Variants in FIBCD1 observed in about 807,000 individuals in gnomAD.
FIBCD1 encodes fibrinogen C domain-containing protein 1.
A neutral mutation model predicts 45.1 loss-of-function variants in FIBCD1; 47 were observed. The observed-to-expected ratio is 1.04, with a 90% confidence interval of 0.82 to 1.33. FIBCD1 has a LOEUF of 1.33. Ranked by LOEUF, FIBCD1 falls within the 40% of genes most tolerant of loss-of-function variation. The pLI is 0.00. For synonymous variants in FIBCD1, 313 were observed against 308.1 expected, an observed-to-expected ratio of 1.02 and a Z score of -0.17; for missense variants, 653 against 682.2, an observed-to-expected ratio of 0.96 and a Z score of 0.48.
chr9:130,908,480 A>G (rs906199802), intron 5 of FIBCD1, among the ~76,000 whole-genome samples: 2 of 152,188 alleles, frequency 1.3e-5, no homozygotes, highest in Non-Finnish European at 2.9e-5. Context: ...AGCCTGAGGC[A>G]GGGTCTCCCC....
At chr9:130,904,440 T>C in intron 6 of FIBCD1, 117 bp from the exon 7 acceptor site, 1 of 1,416,946 alleles carries the variant, frequency 7.1e-7, no homozygotes, top group Non-Finnish European at 9.5e-7. Context: ...TGCATACACG[T>C]ACGCACGTGC....
chr9:130,925,571 G>T (rs574641893), intron 2 of FIBCD1, among the ~76,000 whole-genome samples: 1 of 152,174 alleles, frequency 6.6e-6, no homozygotes, highest in East Asian at 1.9e-4. Flanking sequence ...GGGGATTCAG[G>T]AGAGCCTGGG....
chr9:130,904,454 C>CAT, intron 6 of FIBCD1, 131 bp from the exon 7 acceptor site: 1 of 1,339,426 alleles, frequency 7.5e-7, no homozygotes, highest in Non-Finnish European at 1.0e-6. Flanking sequence ...CACGTGCTCT[C>CAT]ACACATACTG....
intron 1 of FIBCD1, among the ~76,000 whole-genome samples, chr9:130,933,337 G>A (rs1429100841): frequency 1.3e-5 from 2 of 152,160 alleles, no homozygotes; most frequent in African/African-American, 4.8e-5. Flanking sequence ...CATCCGTCCT[G>A]GTGTGGCTGA....
chr9:130,927,463 C>G (rs1433468049), intron 2 of FIBCD1, among the ~76,000 whole-genome samples: 1 of 152,206 alleles, frequency 6.6e-6, no homozygotes, highest in Non-Finnish European at 1.5e-5. Context: ...TCACGGGTGA[C>G]AAGACCCAGC....
intron 1 of FIBCD1, among the ~76,000 whole-genome samples, chr9:130,937,842 C>T (rs1306648148): frequency 6.6e-6 from 1 of 152,196 alleles, no homozygotes; most frequent in Non-Finnish European, 1.5e-5. Context: ...ACCCTCCAAG[C>T]CCCACCTCCA....
At chr9:130,921,786 C>T (rs1389496793) in intron 4 of FIBCD1, among the ~76,000 whole-genome samples, 5 of 152,232 alleles carry the variant, frequency 3.3e-5, no homozygotes, top group Admixed American at 2.0e-4. Context: ...ATAACTCAGA[C>T]GTTCTTGGCG....
chr9:130,911,128 G>A (rs1037400603), intron 5 of FIBCD1, among the ~76,000 whole-genome samples: 1 of 152,078 alleles, frequency 6.6e-6, no homozygotes, highest in African/African-American at 2.4e-5. Flanking sequence ...TTCACTCTTT[G>A]GGTCCACGCT....
chr9:130,931,492 A>G (rs989234718), intron 1 of FIBCD1, among the ~76,000 whole-genome samples: 7 of 152,218 alleles, frequency 4.6e-5, no homozygotes, highest in Admixed American at 3.3e-4. Context: ...CTGGAGACAG[A>G]GCTAGACTCC....
chr9:130,911,797 C>G lies in FIBCD1; in HGVS notation c.941G>C (p.Trp314Ser), dbSNP rs750650927. 1 of 1,599,654 alleles carries G rather than the reference C, an allele frequency of 6.3e-7. No homozygotes were observed. Among genetic ancestry groups the G allele is most frequent in the African/African-American group, 1.3e-5 (1 of 74,462 alleles). ...ATGGTGGGTGGGGTGCTCACCTAGC[C>G]AGTGCTCCCCGGTGAGCCTGCCAAA... Reference protein sequence around the residue: ...DGFGRLTGEHWLGLKRIHALT... With the variant: ...DGFGRLTGEHSLGLKRIHALT... Residue 314 changes from tryptophan to serine, a missense_variant, in exon 5 of 7, where the codon TGG becomes TCG. Trp to Ser is a radical substitution (Grantham distance 177). Transcript: ENST00000372338.
At chr9:130,915,317 C>T (rs1021717657) in intron 4 of FIBCD1, among the ~76,000 whole-genome samples, 11 of 152,194 alleles carry the variant, frequency 7.2e-5, no homozygotes, top group African/African-American at 2.7e-4. Flanking sequence ...CACACCTGGC[C>T]CCCTGCCTTT....
At position 130,922,161 on chromosome 9, in the gene FIBCD1, T is replaced by C. The variant is rs1285694384; in HGVS notation, c.849+1583A>G. Among the ~76,000 whole-genome samples, 1 of 152,196 alleles carries C rather than the reference T, an allele frequency of 6.6e-6. No individual in the cohort carries two copies. The highest frequency in any genetic ancestry group is 1.9e-4 in the East Asian group (1 of 5,176). Reference sequence around the variant, plus strand: ...GATGTTAAGCCCTTCCCCCAGATGTTTGTGGGCCTGGACATCAATACACCA... The same window carrying C: ...GATGTTAAGCCCTTCCCCCAGATGTCTGTGGGCCTGGACATCAATACACCA... On this transcript the variant is annotated intron_variant, in intron 4 of 6. Coordinates refer to ENST00000372338, the MANE Select transcript of FIBCD1 (RefSeq NM_032843.5). The surrounding 1 kb of genome is among the most constrained non-coding windows in gnomAD (Gnocchi z 4.5).
At chr9:130,915,955 CAG>C (rs140635006) in intron 4 of FIBCD1, among the ~76,000 whole-genome samples, 31,593 of 152,082 alleles carry the variant, frequency 0.21, 3,881 homozygotes, top group East Asian at 0.55. Context: ...TCTTTTGACA[CAG>C]AGTGTTACTC....
At chr9:130,932,254 G>A (rs963481314) in intron 1 of FIBCD1, among the ~76,000 whole-genome samples, 4 of 152,078 alleles carry the variant, frequency 2.6e-5, no homozygotes, top group African/African-American at 4.8e-5. Context: ...AGGACCTGCC[G>A]GATGACCTAC....
At chr9:130,925,665 A>C (rs1480439446) in intron 2 of FIBCD1, among the ~76,000 whole-genome samples, 3 of 152,052 alleles carry the variant, frequency 2.0e-5, no homozygotes. Context: ...TGGCAAGCGC[A>C]ATGCTGTCCC....
At chr9:130,924,955 T>G (rs1205053619) in intron 2 of FIBCD1, among the ~76,000 whole-genome samples, 1 of 152,040 alleles carries the variant, frequency 6.6e-6, no homozygotes, top group Non-Finnish European at 1.5e-5. Context: ...CCACAGCACC[T>G]TCCAGGCTAC....
chr9:130,905,127 G>C, intron 6 of FIBCD1, 107 bp downstream of exon 6: 1 of 1,120,314 alleles, frequency 8.9e-7, no homozygotes, highest in Non-Finnish European at 1.2e-6. Context: ...ACTTTCAAAG[G>C]GGGAAAAATA....
At chr9:130,932,437 C>T (rs1006604536) in intron 1 of FIBCD1, among the ~76,000 whole-genome samples, 3 of 152,180 alleles carry the variant, frequency 2.0e-5, no homozygotes, top group East Asian at 1.9e-4. Context: ...TTGGGGGCCG[C>T]GTCCATTCCG....
Position 130,924,392 on chromosome 9 carries a change from A to G in FIBCD1, c.557T>C (p.Leu186Pro). Residue 186 changes from leucine to proline, a missense_variant, in exon 3 of 7, where the codon CTC becomes CCC. Physicochemically the swap from Leu to Pro is moderately conservative, Grantham distance 98. Coordinates refer to ENST00000372338, the MANE Select transcript of FIBCD1 (RefSeq NM_032843.5). The part of the protein sequence containing the change: ...QSEQGRLIQL[L>P]SESQGHMAHL... The stretch of plus-strand genomic sequence containing the variant: ...AGCCATGTGGCCCTGGCTCTCAGAG[A>G]GAAGCTGCGGAGCACAGGGGGTGAG... 6.2e-7 allele frequency: 1 copy of G among 1,607,134 alleles called. No individual in the cohort carries two copies. Among genetic ancestry groups the G allele is most frequent in the Non-Finnish European group, 8.5e-7 (1 of 1,178,072 alleles).
Sources: allele counts gnomAD v4.1 joint callset (sites outside exome capture counted in the v4.1 genomes callset), GRCh38; gene constraint gnomAD v4.1.1; non-coding constraint Gnocchi (gnomAD v3.1); transcripts MANE v1.5; gene names NCBI Gene and HGNC (gene_info 2026-07-23, HGNC 2026-07-21).